ZNF100: variants seen among roughly 807,000 people sequenced by gnomAD.
The protein encoded by ZNF100 is zinc finger protein 100, also known as zinc finger protein 100 (Y1).
A neutral mutation model predicts 15.8 loss-of-function variants in ZNF100; 12 were observed. The ratio of observed to expected loss-of-function variants is 0.76; its 90% CI spans 0.49 to 1.23. The LOEUF is 1.23. Ranked by LOEUF, ZNF100 falls within the 50% of genes most tolerant of loss-of-function variation. The pLI is 0.00. For synonymous variants in ZNF100, 226 were observed against 214.8 expected (o/e 1.05, Z -0.45); for missense variants, 670 against 635.6 (o/e 1.05, Z -0.58).
chr19:21,749,710 T>C (rs2036270846), intron 2 of ZNF100, among the ~76,000 whole-genome samples: 1 of 152,204 alleles, frequency 6.6e-6, no homozygotes, highest in East Asian at 1.9e-4. Context: ...AAATTCTATT[T>C]ATACCTGGAG....
At position 21,724,432 on chromosome 19, in the gene ZNF100, T is replaced by G. The variant is rs2035737619; in HGVS notation, c.*2251A>C. On this transcript the variant is annotated 3_prime_UTR_variant, in exon 5 of 5. Transcript: ENST00000358296. ...GTTTGCAGGCAGACAGGAAACATGC[T>G]CAAAAAATAAATATTAGAAAACTTT... 6.6e-6 allele frequency: 1 copy of G among 152,076 alleles called. No individual in the cohort carries two copies. The highest frequency in any genetic ancestry group is 1.5e-5 in the Non-Finnish European group (1 of 68,000). 9.4% of individuals were successfully genotyped at this position (152,076 alleles called of 1,614,324 possible). A position where few individuals can be genotyped will look rare whatever the true frequency, so the allele number is the denominator to read the frequency against.
chr19:21,726,927 C>T lies in ZNF100; in HGVS notation c.1385G>A (p.Cys462Tyr). Residue 462 changes from cysteine (C) to tyrosine (Y), a missense_variant, in exon 5 of 5, where the codon TGT (cysteine) becomes TAT (tyrosine). Transcript: ENST00000358296. ...TGEKPYKCDE[C>Y]GKAFNRSSQL... The stretch of plus-strand genomic sequence containing the variant: ...TGAGGACCGGTTAAAGGCTTTGCCA[C>T]ATTCGTCACATTTGTAGGGTTTCTC... 6.2e-7 allele frequency: 1 copy of T among 1,611,150 alleles called. No individual in the cohort carries two copies. The highest frequency in any genetic ancestry group is 1.1e-5 in the South Asian group (1 of 90,280).
In ZNF100 at chr19:21,727,443, C is replaced by G; in HGVS notation, c.869G>C (p.Arg290Thr). ...AAAAGCTTTCCCACATTCTTCACAT[C>G]TGTATGGTTTCTCTCCAGTATGAAT... is the stretch of plus-strand genomic sequence containing the variant. ...KIIHTGEKPY[R>T]CEECGKAFNR... Residue 290 changes from arginine to threonine, a missense_variant, in exon 5 of 5, where the codon AGA becomes ACA. Transcript: ENST00000358296. 6.3e-7 allele frequency: 1 copy of G among 1,595,992 alleles called. No individual in the cohort carries two copies. The highest frequency in any genetic ancestry group is 2.3e-5 in the East Asian group (1 of 44,020).
At chr19:21,736,270 T>C (rs2036007189) in intron 4 of ZNF100, among the ~76,000 whole-genome samples, 2 of 151,992 alleles carry the variant, frequency 1.3e-5, no homozygotes, top group Admixed American at 6.6e-5. Flanking sequence ...GTATTTTTAA[T>C]AGAGACAGAG....
At chr19:21,751,823 T>C (rs1370208264) in intron 2 of ZNF100, 42 of 972,696 alleles carry the variant, frequency 4.3e-5, no homozygotes, top group Non-Finnish European at 3.1e-6. Context: ...TTCTAGATTA[T>C]GTGAAGACAA....
At chr19:21,756,875 T>C (rs955286939) in intron 2 of ZNF100, among the ~76,000 whole-genome samples, 4 of 152,108 alleles carry the variant, frequency 2.6e-5, no homozygotes, top group Admixed American at 2.0e-4. Context: ...AGCATAATAC[T>C]GATGCAAAAA....
At chr19:21,752,595 G>A (rs2036326856) in intron 2 of ZNF100, 1 of 152,368 alleles carries the variant, frequency 6.6e-6, no homozygotes, top group South Asian at 2.1e-4. Flanking sequence ...CTTCTATTGG[G>A]GTCCATGTTG....
chr19:21,726,187 C>CA lies in ZNF100; in HGVS notation c.*495dup, dbSNP rs2035780715. The CA allele has an allele frequency of 6.6e-6, 1 of 151,560 alleles. No individual in the cohort carries two copies. The highest frequency in any genetic ancestry group is 2.5e-5 in the African/African-American group (1 of 40,440). 9.4% of individuals were successfully genotyped at this position (151,560 alleles called of 1,614,324 possible). A position where few individuals can be genotyped will look rare whatever the true frequency, so the allele number is the denominator to read the frequency against. ...TTATATTTTCTTAAAGATATTTTGA[C>CA]AGTAGTTGCACTTATGTTTTTATTG... On this transcript the variant is annotated 3_prime_UTR_variant, in exon 5 of 5. Coordinates refer to ENST00000358296, the MANE Select transcript of ZNF100 (RefSeq NM_173531.4).
chr19:21,756,415 A>T (rs568120302), intron 2 of ZNF100, among the ~76,000 whole-genome samples: 35 of 152,290 alleles, frequency 2.3e-4, no homozygotes, highest in Middle Eastern at 6.8e-3. Flanking sequence ...CAGGATACTA[A>T]ATCAGTAGCA....
intron 4 of ZNF100, among the ~76,000 whole-genome samples, chr19:21,732,508 T>C (rs1376967785): frequency 6.6e-6 from 1 of 151,998 alleles, no homozygotes; most frequent in Non-Finnish European, 1.5e-5. Flanking sequence ...CTAGACACAG[T>C]CTTAAATTGT....
chr19:21,744,320 TTGG>T (rs1389933398), intron 3 of ZNF100, among the ~76,000 whole-genome samples: 1 of 152,182 alleles, frequency 6.6e-6, no homozygotes, highest in Admixed American at 6.5e-5. Context: ...AATCAAAAAA[TTGG>T]TGGTGATGAA....
intron 2 of ZNF100, among the ~76,000 whole-genome samples, chr19:21,758,212 C>T (rs986652599): frequency 6.6e-6 from 1 of 151,896 alleles, no homozygotes; most frequent in African/African-American, 2.4e-5. Context: ...TGCATGTTAT[C>T]ATTTGTAAGA....
intron 4 of ZNF100, among the ~76,000 whole-genome samples, chr19:21,741,725 G>A (rs2036112931): frequency 6.6e-6 from 1 of 151,868 alleles, no homozygotes; most frequent in African/African-American, 2.4e-5. Flanking sequence ...ACCCAAGCTG[G>A]AGTGCAGTGG....
At chr19:21,757,053 CA>C (rs1402928469) in intron 2 of ZNF100, among the ~76,000 whole-genome samples, 1 of 152,208 alleles carries the variant, frequency 6.6e-6, no homozygotes, top group African/African-American at 2.4e-5. Context: ...GTAATTCCAG[CA>C]CTTTGGGAGG....
chr19:21,742,651 T>C (rs1407281645), intron 4 of ZNF100, among the ~76,000 whole-genome samples: 2 of 152,076 alleles, frequency 1.3e-5, no homozygotes, highest in Non-Finnish European at 2.9e-5. Flanking sequence ...GTCAAAAACA[T>C]TTTTAAAAAG....
intron 4 of ZNF100, among the ~76,000 whole-genome samples, chr19:21,735,680 T>C (rs2035996519): frequency 6.6e-6 from 1 of 152,136 alleles, no homozygotes; most frequent in Non-Finnish European, 1.5e-5. Flanking sequence ...AATCATAGTT[T>C]CTGATAAAAC....
At chr19:21,741,321 A>C (rs1213280147) in intron 4 of ZNF100, among the ~76,000 whole-genome samples, 3 of 152,164 alleles carry the variant, frequency 2.0e-5, no homozygotes, top group African/African-American at 7.2e-5. Flanking sequence ...AAATTTCTGT[A>C]AGTCTTTTGC....
chr19:21,733,422 T>C (rs1472508432), intron 4 of ZNF100, among the ~76,000 whole-genome samples: 2 of 151,652 alleles, frequency 1.3e-5, no homozygotes, highest in African/African-American at 2.4e-5. Context: ...TTCAATATGG[T>C]TACATTATAT....
chr19:21,765,611 A>G, intron 2 of ZNF100, 83 bp downstream of exon 2: 1 of 1,264,086 alleles, frequency 7.9e-7, no homozygotes, highest in East Asian at 2.3e-5. Context: ...CAATACCAGC[A>G]TCTGATTGGC....
Sources: gnomAD v4.1 joint callset for allele counts (sites outside exome capture counted in the v4.1 genomes callset) on GRCh38, gnomAD v4.1.1 for gene constraint, MANE v1.5 for transcripts, NCBI Gene and HGNC (gene_info 2026-07-23, HGNC 2026-07-21) for gene names.